Variants in MINPP1 observed in about 807,000 individuals in gnomAD.
The protein encoded by MINPP1 is multiple inositol polyphosphate phosphatase 1.
MINPP1 carries 28 observed loss-of-function variants against 46.1 expected under a neutral mutation model. The ratio of observed to expected loss-of-function variants is 0.61; its 90% CI spans 0.45 to 0.83. The LOEUF is 0.83. Ranked by LOEUF, MINPP1 falls within the 40% of genes least tolerant of loss-of-function variation. The pLI is 0.00. For synonymous variants in MINPP1, 268 were observed against 249.1 expected (o/e 1.08, Z -0.72); for missense variants, 603 against 610.0 (o/e 0.99, Z 0.12).
At chr10:87,550,537 T>TG (rs2131846421) in intron 4 of MINPP1, among the ~76,000 whole-genome samples, 1 of 152,318 alleles carries the variant, frequency 6.6e-6, no homozygotes, top group South Asian at 2.1e-4. Context: ...CTCTTATATA[T>TG]GGAAGTTATT....
At chr10:87,549,064 T>G (rs1326932431) in intron 4 of MINPP1, among the ~76,000 whole-genome samples, 1 of 152,196 alleles carries the variant, frequency 6.6e-6, no homozygotes, top group Non-Finnish European at 1.5e-5. Context: ...CCCATAAAAC[T>G]TCCAGTAAGC....
At chr10:87,512,511 G>T (rs1303316616) in intron 2 of MINPP1, among the ~76,000 whole-genome samples, 1 of 151,784 alleles carries the variant, frequency 6.6e-6, no homozygotes, top group Non-Finnish European at 1.5e-5. Context: ...TGTACTTACT[G>T]CTGCTTCTTA....
chr10:87,534,764 G>A (rs890183880), intron 4 of MINPP1, among the ~76,000 whole-genome samples: 1 of 152,136 alleles, frequency 6.6e-6, no homozygotes, highest in Non-Finnish European at 1.5e-5. Context: ...AGTAGAATAG[G>A]CTGTTTTGTG....
At chr10:87,515,529 TA>T (rs1245216492) in intron 3 of MINPP1, among the ~76,000 whole-genome samples, 2 of 152,220 alleles carry the variant, frequency 1.3e-5, no homozygotes, top group Middle Eastern at 3.2e-3. Context: ...TTTTAAAAAT[TA>T]AGGTTGTCTT....
Position 87,552,083 on chromosome 10 carries a change from T to G in MINPP1, c.1069T>G (p.Ser357Ala). 2.5e-6 allele frequency: 4 copies of G among 1,610,704 alleles called. No homozygotes were observed. The highest frequency in any genetic ancestry group is 3.4e-6 in the Non-Finnish European group (4 of 1,177,938). ...LDKAVEQKQR[S>A]QPISSPVILQ... The stretch of plus-strand genomic sequence containing the variant: ...TTTTCTCTTAATTTCTATTTGAAGG[T>G]CTCAGCCAATTTCTTCTCCAGTCAT... Residue 357 changes from serine (S) to alanine (A), a missense_variant and splice_region_variant, in exon 5 of 5, where the codon TCT becomes GCT. Transcript: ENST00000371996.
At chr10:87,548,023 G>A (rs1589387261) in intron 4 of MINPP1, among the ~76,000 whole-genome samples, 1 of 152,190 alleles carries the variant, frequency 6.6e-6, no homozygotes, top group Non-Finnish European at 1.5e-5. Context: ...TCATAACCAA[G>A]TTATGCCCTG....
chr10:87,549,737 T>C (rs1851936647), intron 4 of MINPP1, among the ~76,000 whole-genome samples: 1 of 152,220 alleles, frequency 6.6e-6, no homozygotes, highest in East Asian at 1.9e-4. Context: ...CTGCTGTTGC[T>C]GCTATCCTCC....
chr10:87,542,174 G>A (rs1297613647), intron 4 of MINPP1, among the ~76,000 whole-genome samples: 2 of 152,168 alleles, frequency 1.3e-5, no homozygotes, highest in Non-Finnish European at 2.9e-5. Context: ...CCAAGATACA[G>A]TGGTAGTACA....
intron 3 of MINPP1, among the ~76,000 whole-genome samples, chr10:87,519,891 G>A (rs986067468): frequency 1.3e-5 from 2 of 152,160 alleles, no homozygotes; most frequent in Non-Finnish European, 2.9e-5. Flanking sequence ...ATGATCAAAT[G>A]ATATGTAAGT....
chr10:87,508,343 G>A lies in MINPP1; in HGVS notation c.645G>A (p.Glu215=). 6.2e-7 allele frequency: 1 copy of A among 1,613,046 alleles called. No individual in the cohort carries two copies. Among genetic ancestry groups the A allele is most frequent in the Non-Finnish European group, 8.5e-7 (1 of 1,179,608 alleles). Residue 215 remains glutamate (E), a synonymous_variant, in exon 2 of 5, where the codon GAG becomes GAA. Coordinates refer to ENST00000371996, the MANE Select transcript of MINPP1 (RefSeq NM_004897.5). ...GLPPPDVADM[E]FGPPTVNDKL... ...AATTTTTTTCTCTTTCAGATATGGAGTTTGGACCTCCAACAGTTAATGATA... is the reference window on the plus strand; with the variant it reads ...AATTTTTTTCTCTTTCAGATATGGAATTTGGACCTCCAACAGTTAATGATA...
chr10:87,552,126 C>T lies in MINPP1; in HGVS notation c.1112C>T (p.Ala371Val). 2 of 1,613,582 alleles carry T rather than the reference C, an allele frequency of 1.2e-6. No homozygotes were observed. Among genetic ancestry groups the T allele is most frequent in the Non-Finnish European group, 1.7e-6 (2 of 1,179,686 alleles). ...SSPVILQFGH[A>V]ETLLPLLSLM... is the part of the protein sequence containing the mutation. ...CCAGTCATCCTCCAGTTTGGTCATG[C>T]AGAGACTCTTCTTCCACTGCTTTCT... Residue 371 changes from alanine (A) to valine (V), a missense_variant, in exon 5 of 5, where the codon GCA (alanine) becomes GTA (valine). By Grantham distance (64) the Ala-to-Val change is moderately conservative. Around this residue, in one of 3 missense-constraint regions of MINPP1, gnomAD observed 344 missense variants for 381.1 expected, o/e 0.90. Coordinates refer to ENST00000371996, the MANE Select transcript of MINPP1 (RefSeq NM_004897.5).
rs1382047268 is a variant in MINPP1 at position 87,505,599 on chromosome 10, C to T, written c.637+47C>T. ...GTGCTGTCCCGGTCCTCCCACCCGCCCTGGATGCTCTCCCGCCTCCCCCAG... is the reference window on the plus strand; with the variant it reads ...GTGCTGTCCCGGTCCTCCCACCCGCTCTGGATGCTCTCCCGCCTCCCCCAG... On this transcript the variant is annotated intron_variant, in intron 1 of 4. Transcript: ENST00000371996. The surrounding 1 kb of genome is among the most constrained non-coding windows in gnomAD (Gnocchi z 4.4). The T allele has an allele frequency of 1.3e-6, 2 of 1,549,890 alleles. No homozygotes were observed. The highest frequency in any genetic ancestry group is 1.7e-6 in the Non-Finnish European group (2 of 1,151,992).
In MINPP1 at chr10:87,543,011, G is replaced by A. The variant is rs1033515798; in HGVS notation, c.1068-9071G>A. Reference sequence around the variant, plus strand: ...TGGTTGTGAACAAAATGCTGATAGCGATATGAACAGTGAAGTCTAGGCTGA... The same window carrying A: ...TGGTTGTGAACAAAATGCTGATAGCAATATGAACAGTGAAGTCTAGGCTGA... On this transcript the variant is annotated intron_variant, in intron 4 of 4. Coordinates refer to ENST00000371996, the MANE Select transcript of MINPP1 (RefSeq NM_004897.5). Among the ~76,000 whole-genome samples the A allele has an allele frequency of 8.5e-5, 13 of 152,174 alleles. 1 individual carries two copies. The highest frequency in any genetic ancestry group is 1.9e-4 in the African/African-American group (8 of 41,442).
At chr10:87,531,234 C>T (rs918029135) in intron 4 of MINPP1, among the ~76,000 whole-genome samples, 6 of 152,214 alleles carry the variant, frequency 3.9e-5, no homozygotes, top group East Asian at 3.8e-4. Context: ...GGGATGAACC[C>T]GCTACCTCAG....
chr10:87,551,678 C>A (rs540387669), intron 4 of MINPP1, among the ~76,000 whole-genome samples: 1 of 152,156 alleles, frequency 6.6e-6, no homozygotes, highest in East Asian at 1.9e-4. Context: ...AATAATAACA[C>A]TTTATTCAAA....
At chr10:87,526,931 C>G (rs1302378190) in intron 4 of MINPP1, among the ~76,000 whole-genome samples, 1 of 152,138 alleles carries the variant, frequency 6.6e-6, no homozygotes, top group Non-Finnish European at 1.5e-5. Context: ...CAGTACCATG[C>G]TGTTTTGGTT....
chr10:87,538,523 G>A (rs991427897), intron 4 of MINPP1, among the ~76,000 whole-genome samples: 8 of 152,252 alleles, frequency 5.3e-5, no homozygotes, highest in Non-Finnish European at 1.2e-4. Flanking sequence ...TTGACTGGAA[G>A]TGGAAACTGT....
chr10:87,553,072 T>C lies in MINPP1; in HGVS notation c.*594T>C, dbSNP rs970924805. On this transcript the variant is annotated 3_prime_UTR_variant, in exon 5 of 5. Transcript: ENST00000371996. ...AAAGTACAATGAAAATAAATATTTT[T>C]GGTATTTATTTATGAAATATTTGAA... 18 of 152,210 alleles carry C rather than the reference T, an allele frequency of 1.2e-4. No homozygotes were observed. The highest frequency in any genetic ancestry group is 4.1e-4 in the African/African-American group (17 of 41,472). 9.4% of individuals were successfully genotyped at this position (152,210 alleles called of 1,614,324 possible). A position where few individuals can be genotyped will look rare whatever the true frequency, so the allele number is the denominator to read the frequency against.
rs1253701684 is a variant in MINPP1, at chr10:87,552,446, G to A, written c.1432G>A (p.Ala478Thr). The stretch of plus-strand genomic sequence containing the variant: ...TCAAACCAGTGAAGAATGTGAATTA[G>A]CAAGGGCTAACAGTACATCTGATGA... ...SCQTSEECEL[A>T]RANSTSDEL is the part of the protein sequence containing the mutation. The change falls in exon 5 of 5, where the codon GCA becomes ACA. Residue 478 changes from alanine to threonine, a missense_variant. Ala to Thr is a moderately conservative substitution (Grantham distance 58, BLOSUM62 0). Coordinates refer to ENST00000371996, the MANE Select transcript of MINPP1 (RefSeq NM_004897.5). 13 of 1,613,086 alleles carry A rather than the reference G, an allele frequency of 8.1e-6. No homozygotes were observed. Among genetic ancestry groups the A allele is most frequent in the Non-Finnish European group, 1.0e-5 (12 of 1,179,670 alleles).
Sources: allele counts gnomAD v4.1 joint callset (sites outside exome capture counted in the v4.1 genomes callset), GRCh38; gene constraint gnomAD v4.1.1; regional missense constraint gnomAD v4.1.1; non-coding constraint Gnocchi (gnomAD v3.1); transcripts MANE v1.5; gene names NCBI Gene and HGNC (gene_info 2026-07-23, HGNC 2026-07-21).